Variants in CDH18 observed in about 807,000 individuals in gnomAD.
The protein encoded by CDH18 is cadherin 18, also known as cadherin-18.
A neutral mutation model predicts 67.9 loss-of-function variants in CDH18; 31 were observed. The observed-to-expected ratio is 0.46, with a 90% CI of 0.34 to 0.62. The LOEUF (loss-of-function observed/expected upper bound fraction) is 0.62. Ranked by LOEUF, CDH18 falls within the 20% of genes least tolerant of loss-of-function variation. The pLI is 0.01. For synonymous variants in CDH18, 362 were observed against 347.2 expected, an observed-to-expected ratio of 1.04 and a Z score of -0.48; for missense variants, 890 against 975.5, an observed-to-expected ratio of 0.91 and a Z score of 1.17.
At chr5:20,480,563 A>G (rs1221743483) in intron 1 of CDH18, among the ~76,000 whole-genome samples, 1 of 151,992 alleles carries the variant, frequency 6.6e-6, no homozygotes, top group African/African-American at 2.4e-5. Context: ...GATTACAGGT[A>G]TGTGCCACCA....
At chr5:19,995,126 T>C (rs1735900564) in intron 2 of CDH18, among the ~76,000 whole-genome samples, 1 of 151,730 alleles carries the variant, frequency 6.6e-6, no homozygotes, top group African/African-American at 2.4e-5. Context: ...CACACCCACA[T>C]TGACAAGGGT....
At chr5:19,779,618 T>C (rs781500801) in intron 3 of CDH18, among the ~76,000 whole-genome samples, 5 of 152,150 alleles carry the variant, frequency 3.3e-5, no homozygotes, top group South Asian at 2.1e-4. Flanking sequence ...GAATTCAGAA[T>C]TCGCCACAGT....
intron 2 of CDH18, among the ~76,000 whole-genome samples, chr5:19,860,417 T>C (rs1202062486): frequency 1.3e-5 from 2 of 151,570 alleles, no homozygotes; most frequent in Non-Finnish European, 1.5e-5. Context: ...TCTCATTGCC[T>C]TCTTTTCTTC....
chr5:19,548,616 G>A (rs1386119915), intron 8 of CDH18, among the ~76,000 whole-genome samples: 1 of 152,008 alleles, frequency 6.6e-6, no homozygotes, highest in Non-Finnish European at 1.5e-5. Context: ...ACAGCTGCAT[G>A]AGGTAAGTAC....
chr5:19,536,185 T>C (rs1008875783), intron 9 of CDH18, among the ~76,000 whole-genome samples: 3 of 151,978 alleles, frequency 2.0e-5, no homozygotes, highest in East Asian at 1.9e-4. Context: ...TACAAGCCCA[T>C]AGAGGTGAAA....
intron 2 of CDH18, among the ~76,000 whole-genome samples, chr5:20,231,879 T>C (rs953243774): frequency 2.8e-4 from 42 of 152,164 alleles, no homozygotes; most frequent in African/African-American, 1.7e-4. Context: ...GTCTGTACTA[T>C]AAAAATTAAA....
intron 10 of CDH18, among the ~76,000 whole-genome samples, chr5:19,504,494 T>C (rs1743770517): frequency 6.6e-6 from 1 of 152,068 alleles, no homozygotes; most frequent in African/African-American, 2.4e-5. Flanking sequence ...GGGGAATACA[T>C]TGATGGATAA....
At chr5:20,116,921 T>C (rs922900216) in intron 2 of CDH18, among the ~76,000 whole-genome samples, 3 of 152,014 alleles carry the variant, frequency 2.0e-5, no homozygotes, top group African/African-American at 4.8e-5. Context: ...CAACATATAT[T>C]TTTACCACTA....
intron 3 of CDH18, among the ~76,000 whole-genome samples, chr5:19,754,429 T>C (rs1771257824): frequency 6.6e-6 from 1 of 152,178 alleles, no homozygotes; most frequent in Non-Finnish European, 1.5e-5. Flanking sequence ...GGACATTATA[T>C]AATGATAAAA....
intron 1 of CDH18, among the ~76,000 whole-genome samples, chr5:20,574,082 T>C (rs943258408): frequency 6.6e-6 from 1 of 151,392 alleles, no homozygotes; most frequent in Non-Finnish European, 1.5e-5. Context: ...AATTCAGTTA[T>C]TCACTTCTGA....
At chr5:20,456,650 A>C (rs1750854265) in intron 1 of CDH18, among the ~76,000 whole-genome samples, 1 of 152,194 alleles carries the variant, frequency 6.6e-6, no homozygotes, top group Non-Finnish European at 1.5e-5. Flanking sequence ...ACTATCATTT[A>C]TTCAGTTATT....
chr5:20,544,958 T>G (rs960285916), intron 1 of CDH18, among the ~76,000 whole-genome samples: 3 of 152,158 alleles, frequency 2.0e-5, no homozygotes, highest in African/African-American at 7.2e-5. Context: ...AGTCAATTAC[T>G]TCCAAGATAC....
At chr5:19,763,799 A>G (rs374062749) in intron 3 of CDH18, among the ~76,000 whole-genome samples, 292 of 152,126 alleles carry the variant, frequency 1.9e-3, no homozygotes, top group Non-Finnish European at 3.1e-3. Context: ...GAGAAAGTGC[A>G]ACCAGGAAAT....
At chr5:19,950,292 G>C (rs1246806683) in intron 2 of CDH18, among the ~76,000 whole-genome samples, 1 of 152,028 alleles carries the variant, frequency 6.6e-6, no homozygotes, top group African/African-American at 2.4e-5. Context: ...ACATCGTTAT[G>C]TTCGCACTTA....
intron 2 of CDH18, among the ~76,000 whole-genome samples, chr5:20,133,621 A>T (rs923109188): frequency 1.1e-4 from 17 of 152,168 alleles, no homozygotes; most frequent in Admixed American, 2.6e-4. Flanking sequence ...CTTGATGATT[A>T]CGCGGTGTCT....
intron 5 of CDH18, among the ~76,000 whole-genome samples, chr5:19,675,918 G>A (rs1311473126): frequency 2.0e-5 from 3 of 151,800 alleles, no homozygotes; most frequent in Admixed American, 6.6e-5. Context: ...CACAATTTAT[G>A]TTCTTCTGAC....
chr5:20,180,004 A>C (rs1377505505), intron 2 of CDH18, among the ~76,000 whole-genome samples: 1 of 152,144 alleles, frequency 6.6e-6, no homozygotes, highest in Non-Finnish European at 1.5e-5. Context: ...TAAAATATGA[A>C]ATGCTCCTGA....
intron 1 of CDH18, among the ~76,000 whole-genome samples, chr5:20,524,315 GAC>G (rs1286324782): frequency 5.3e-5 from 8 of 152,040 alleles, no homozygotes; most frequent in African/African-American, 1.7e-4. Flanking sequence ...TTAAACACAG[GAC>G]AATAACCATT....
intron 3 of CDH18, among the ~76,000 whole-genome samples, chr5:19,765,948 C>A (rs557254487): frequency 6.6e-6 from 1 of 151,498 alleles, no homozygotes; most frequent in Admixed American, 6.6e-5. Flanking sequence ...GACATGAACT[C>A]GGCTCACTGC....
Sources: gnomAD v4.1 joint callset for allele counts (sites outside exome capture counted in the v4.1 genomes callset) on GRCh38, gnomAD v4.1.1 for gene constraint, MANE v1.5 for transcripts, NCBI Gene and HGNC (gene_info 2026-07-23, HGNC 2026-07-21) for gene names.